RHBDF2: variants seen among roughly 807,000 people sequenced by gnomAD.
The protein encoded by RHBDF2 is inactive rhomboid protein 2.
A neutral mutation model predicts 95.2 loss-of-function variants in RHBDF2; 38 were observed. The observed-to-expected ratio is 0.40, with a 90% CI of 0.31 to 0.52. RHBDF2 has a LOEUF of 0.52. Among genes scored for constraint, RHBDF2 ranks in the 20% least tolerant of loss-of-function variants. The pLI, the probability that RHBDF2 is intolerant of heterozygous loss-of-function variation, is 0.56. For synonymous variants in RHBDF2, 442 were observed against 462.0 expected, an observed-to-expected ratio of 0.96 and a Z score of 0.55; for missense variants, 863 against 1,137.7, an observed-to-expected ratio of 0.76 and a Z score of 3.47.
Position 76,474,466 on chromosome 17 carries a change from C to A in RHBDF2, c.1371G>T (p.Leu457=), listed in dbSNP as rs142058844. ...GCTCCAGGTCTCGCTCGCGCAGCAC[C>A]AGCTGCTCGATCTGCCCGTCCTTCC... The part of the protein sequence containing the change: ...CIRKDGQIEQ[L]VLRERDLERD... The change falls in exon 12 of 19, where the codon CTG becomes CTT. Residue 457 remains leucine, a synonymous_variant. Coordinates refer to ENST00000675367, the MANE Select transcript of RHBDF2 (RefSeq NM_001005498.4). 1.2e-6 allele frequency: 2 copies of A among 1,614,148 alleles called. No homozygotes were observed. Among genetic ancestry groups the A allele is most frequent in the Non-Finnish European group, 8.5e-7 (1 of 1,180,000 alleles).
At chr17:76,472,127 C>G (rs575692247) in intron 18 of RHBDF2, 75 bp from the exon 19 acceptor site, 1 of 1,387,314 alleles carries the variant, frequency 7.2e-7, no homozygotes, top group Admixed American at 2.4e-5. Context: ...CCTGGGTCAT[C>G]CCATCGATCA....
intron 18 of RHBDF2, 94 bp from the exon 19 acceptor site, chr17:76,472,146 C>A: frequency 7.7e-7 from 1 of 1,303,474 alleles, no homozygotes; most frequent in South Asian, 1.5e-5. Context: ...CAGCTCCTCC[C>A]TGGCAGGCAT....
intron 12 of RHBDF2, 58 bp from the exon 13 acceptor site, chr17:76,474,200 T>G: frequency 4.3e-6 from 6 of 1,380,974 alleles, no homozygotes; most frequent in Non-Finnish European, 6.0e-6. Flanking sequence ...CCCACTGGAG[T>G]GGGCAAGGAC....
intron 1 of RHBDF2, among the ~76,000 whole-genome samples, chr17:76,494,907 G>T (rs549656196): frequency 1.3e-5 from 2 of 152,320 alleles, no homozygotes; most frequent in East Asian, 3.9e-4. Flanking sequence ...TGAAGGGAAG[G>T]GGGCACGCAC....
Position 76,476,566 on chromosome 17 carries a change from T to C in RHBDF2, c.1115+264A>G. ...GCAGTGACACTCAATGAACATTTGTTGACTGACTGCTGTCTGGGAGCAAGG... is the reference window on the plus strand; with the variant it reads ...GCAGTGACACTCAATGAACATTTGTCGACTGACTGCTGTCTGGGAGCAAGG... On this transcript the variant is annotated intron_variant, in intron 9 of 18. Transcript: ENST00000675367. 4 of 481,908 alleles carry C rather than the reference T, an allele frequency of 8.3e-6. No individual in the cohort carries two copies. The South Asian group carries it at 1.2e-4, about 14-fold the overall frequency. The allele number at this position is 481,908 out of a possible 1,614,324, so 29.9% of individuals were successfully genotyped here. A position where few individuals can be genotyped will look rare whatever the true frequency, so the allele number is the denominator to read the frequency against.
At chr17:76,491,801 A>G (rs1316069673) in intron 1 of RHBDF2, among the ~76,000 whole-genome samples, 3 of 152,084 alleles carry the variant, frequency 2.0e-5, no homozygotes, top group Non-Finnish European at 4.4e-5. Flanking sequence ...AGGAGTGGGG[A>G]CTGTCAGACC....
chr17:76,474,255 G>A, intron 12 of RHBDF2, 113 bp from the exon 13 acceptor site: 1 of 1,361,544 alleles, frequency 7.3e-7, no homozygotes, highest in Non-Finnish European at 1.0e-6. Flanking sequence ...ATCTATGGGG[G>A]TCTGGGAAAG....
chr17:76,498,500 G>GCA (rs2074486974), intron 1 of RHBDF2, among the ~76,000 whole-genome samples: 1 of 152,248 alleles, frequency 6.6e-6, no homozygotes. Flanking sequence ...CCAAAGGGAA[G>GCA]CACCAGCCAG....
At chr17:76,472,163 C>T in intron 18 of RHBDF2, 111 bp from the exon 19 acceptor site, 1 of 1,107,232 alleles carries the variant, frequency 9.0e-7, no homozygotes, top group South Asian at 1.6e-5. Context: ...GCATGGGGAC[C>T]CCTGAGGCTG....
At chr17:76,501,194 T>A (rs564569567) in intron 1 of RHBDF2, 159 bp downstream of exon 1, 1 of 152,338 alleles carries the variant, frequency 6.6e-6, no homozygotes, top group African/African-American at 2.4e-5. Flanking sequence ...CGAGCCCACG[T>A]GGGACCCAGG....
At position 76,481,423 on chromosome 17, in the gene RHBDF2, G is replaced by T; in HGVS notation, c.102C>A (p.Pro34=). Residue 34 remains proline (P), a synonymous_variant, in exon 3 of 19, where the codon CCC becomes CCA. Coordinates refer to ENST00000675367, the MANE Select transcript of RHBDF2 (RefSeq NM_001005498.4). ...PPNLSITIPP[P]EKETQAPGEQ... Reference sequence around the variant, plus strand: ...CGCCAGGGGCCTGGGTCTCTTTCTCGGGTGGCGGGATGGTGATGGAGAGGT... The same window carrying T: ...CGCCAGGGGCCTGGGTCTCTTTCTCTGGTGGCGGGATGGTGATGGAGAGGT... The T allele has an allele frequency of 6.8e-6, 11 of 1,612,838 alleles. No homozygotes were observed. The highest frequency in any genetic ancestry group is 9.3e-6 in the Non-Finnish European group (11 of 1,179,998).
chr17:76,491,000 G>A (rs2074284202), intron 1 of RHBDF2, among the ~76,000 whole-genome samples: 1 of 152,128 alleles, frequency 6.6e-6, no homozygotes. Flanking sequence ...AAGCTAGTGA[G>A]AGGGTGGGGC....
At chr17:76,491,123 G>C (rs1306744100) in intron 1 of RHBDF2, among the ~76,000 whole-genome samples, 1 of 152,100 alleles carries the variant, frequency 6.6e-6, no homozygotes, top group Non-Finnish European at 1.5e-5. Flanking sequence ...TGCCCTGCTG[G>C]CTCCGTACCC....
chr17:76,496,772 T>C (rs924307725), intron 1 of RHBDF2, among the ~76,000 whole-genome samples: 2 of 152,174 alleles, frequency 1.3e-5, no homozygotes, highest in Admixed American at 1.3e-4. Context: ...TTTTTTCTTT[T>C]ATTTTTTGAG....
chr17:76,480,185 C>T (rs1003064622), intron 3 of RHBDF2, among the ~76,000 whole-genome samples: 2 of 140,284 alleles, frequency 1.4e-5, no homozygotes, highest in Non-Finnish European at 3.0e-5. Flanking sequence ...CAGGTTCAAG[C>T]GATTCTTCTG....
intron 1 of RHBDF2, among the ~76,000 whole-genome samples, chr17:76,489,124 T>TCAAAA (rs1437870989): frequency 3.9e-5 from 5 of 128,284 alleles, no homozygotes; most frequent in Non-Finnish European, 5.6e-5. Context: ...AGACTCCGTC[T>TCAAAA]CGAAACAAAA....
At chr17:76,482,676 G>C (rs1470972947) in intron 2 of RHBDF2, among the ~76,000 whole-genome samples, 1 of 152,132 alleles carries the variant, frequency 6.6e-6, no homozygotes, top group African/African-American at 2.4e-5. Flanking sequence ...GGGAGGCTGA[G>C]GCACGAGAAT....
At chr17:76,474,921 A>C in intron 10 of RHBDF2, 109 bp downstream of exon 10, 2 of 1,503,276 alleles carry the variant, frequency 1.3e-6, no homozygotes, top group Non-Finnish European at 1.8e-6. Flanking sequence ...TATGGTGAGC[A>C]CCACCCTGCT....
At chr17:76,490,802 C>CA (rs2074276166) in intron 1 of RHBDF2, among the ~76,000 whole-genome samples, 2 of 152,188 alleles carry the variant, frequency 1.3e-5, no homozygotes, top group Non-Finnish European at 2.9e-5. Flanking sequence ...ACACCAGGCT[C>CA]CACCTTGCCT....
Sources: allele counts gnomAD v4.1 joint callset (sites outside exome capture counted in the v4.1 genomes callset), GRCh38; gene constraint gnomAD v4.1.1; transcripts MANE v1.5; gene names NCBI Gene and HGNC (gene_info 2026-07-23, HGNC 2026-07-21).